Variants in CCDC178 observed in about 807,000 individuals in gnomAD.
CCDC178 encodes coiled-coil domain containing 178.
Under a neutral mutation model 117.4 loss-of-function variants are expected in CCDC178, and 126 were observed. The observed-to-expected ratio is 1.07, with a 90% CI of 0.93 to 1.24. CCDC178 has a LOEUF of 1.24. Among genes scored for constraint, CCDC178 ranks in the 50% most tolerant of loss-of-function variants. The pLI, the probability that CCDC178 is intolerant of heterozygous loss-of-function variation, is 0.00. For synonymous variants in CCDC178, 283 were observed against 313.4 expected, an observed-to-expected ratio of 0.90 and a Z score of 1.02; for missense variants, 1,030 against 986.9, an observed-to-expected ratio of 1.04 and a Z score of -0.59.
intron 20 of CCDC178, among the ~76,000 whole-genome samples, chr18:33,110,053 T>A (rs1217422231): frequency 6.6e-6 from 1 of 151,616 alleles, no homozygotes; most frequent in Non-Finnish European, 1.5e-5. Context: ...GTCTGAGAGT[T>A]CCTGTTGCTT....
intron 4 of CCDC178, among the ~76,000 whole-genome samples, chr18:33,391,282 T>C (rs2063561739): frequency 6.6e-6 from 1 of 151,784 alleles, no homozygotes; most frequent in African/African-American, 2.4e-5. Context: ...AAAAAATCTA[T>C]ATGCGTGCAA....
intron 12 of CCDC178, among the ~76,000 whole-genome samples, chr18:33,281,652 T>A (rs867533217): frequency 1.3e-5 from 2 of 152,046 alleles, no homozygotes; most frequent in Middle Eastern, 3.2e-3. Flanking sequence ...TAAAAGTGAA[T>A]GGGAAAAGGG....
chr18:33,373,305 A>G (rs899160972), intron 5 of CCDC178, among the ~76,000 whole-genome samples: 24 of 152,136 alleles, frequency 1.6e-4, no homozygotes, highest in African/African-American at 5.3e-4. Flanking sequence ...TCAATGTGCA[A>G]TGCCGCTGTT....
At chr18:32,996,554 C>T (rs1177492166) in intron 21 of CCDC178, among the ~76,000 whole-genome samples, 3 of 151,576 alleles carry the variant, frequency 2.0e-5, no homozygotes, top group African/African-American at 7.3e-5. Flanking sequence ...GAAAATGCTC[C>T]ATATATAATA....
At chr18:33,015,559 C>T (rs762942947) in intron 21 of CCDC178, among the ~76,000 whole-genome samples, 6 of 150,686 alleles carry the variant, frequency 4.0e-5, no homozygotes, top group Admixed American at 4.0e-4. Context: ...TGCGAGACTC[C>T]GTCTCAAAAA....
At chr18:33,134,227 G>A (rs2058100046) in intron 20 of CCDC178, among the ~76,000 whole-genome samples, 1 of 151,800 alleles carries the variant, frequency 6.6e-6, no homozygotes, top group South Asian at 2.1e-4. Context: ...TCACACATAT[G>A]GTTATAAAAA....
intron 11 of CCDC178, among the ~76,000 whole-genome samples, chr18:33,321,230 T>C (rs2062504574): frequency 6.6e-6 from 1 of 152,092 alleles, no homozygotes; most frequent in African/African-American, 2.4e-5. Flanking sequence ...AAAGCCAAAA[T>C]TGACAAATGG....
chr18:32,995,905 TTATCTATATCTATATCTATATCTA>T (rs139781630), intron 21 of CCDC178, among the ~76,000 whole-genome samples: 1 of 145,632 alleles, frequency 6.9e-6, no homozygotes, highest in Non-Finnish European at 1.5e-5. Flanking sequence ...TCCTACAATT[TTATCTATATCTATATCTATATCTA>T]TATCTATATC....
At position 33,108,142 on chromosome 18, in the gene CCDC178, C is replaced by A. The variant is rs571687871; in HGVS notation, c.2239-15232G>T. 6.1e-4 allele frequency among the ~76,000 whole-genome samples: 93 copies of A among 151,652 alleles called. 1 individual carries two copies. The highest frequency in any genetic ancestry group is 2.1e-3 in the African/African-American group (89 of 41,444). On this transcript the variant is annotated intron_variant, in intron 20 of 22. Coordinates refer to ENST00000383096, the MANE Select transcript of CCDC178 (RefSeq NM_001105528.4). ...ATACATTTCCCTTTTTGACCTATAT[C>A]TTTAAGAACATGGTTCATCTACTCA...
intron 22 of CCDC178, among the ~76,000 whole-genome samples, chr18:32,960,721 C>G (rs1225793401): frequency 6.6e-6 from 1 of 152,046 alleles, no homozygotes; most frequent in Non-Finnish European, 1.5e-5. Flanking sequence ...TCTAATTCTA[C>G]CCCAAAAATC....
At chr18:33,372,720 T>G (rs11874944) in intron 5 of CCDC178, among the ~76,000 whole-genome samples, 2,441 of 152,216 alleles carry the variant, frequency 0.016, 61 homozygotes, top group African/African-American at 0.055. Flanking sequence ...ATCAACTAGT[T>G]GTTTGTGTGG....
intron 21 of CCDC178, among the ~76,000 whole-genome samples, chr18:33,057,685 G>T (rs566941749): frequency 6.6e-6 from 1 of 152,144 alleles, no homozygotes; most frequent in Non-Finnish European, 1.5e-5. Context: ...AGTAGAGAAA[G>T]GTTTCACCAT....
intron 5 of CCDC178, 51 bp downstream of exon 5, chr18:33,389,489 A>C: frequency 2.4e-6 from 2 of 822,710 alleles, no homozygotes; most frequent in Non-Finnish European, 3.6e-6. Context: ...TAATGAGATA[A>C]TATAAATATA....
At chr18:33,304,348 T>C (rs1464201749) in intron 11 of CCDC178, among the ~76,000 whole-genome samples, 1 of 152,312 alleles carries the variant, frequency 6.6e-6, no homozygotes, top group Admixed American at 6.5e-5. Context: ...CTGAAACTTA[T>C]GTTGTTTCCA....
rs2144768856 is a variant in CCDC178 at position 33,267,191 on chromosome 18, A to C, written c.1272+11T>G. 1 of 1,580,740 alleles carries C rather than the reference A, an allele frequency of 6.3e-7. No individual in the cohort carries two copies. The highest frequency in any genetic ancestry group is 1.2e-5 in the South Asian group (1 of 85,546). ...GCGTTCTAAGTGGGAAGTAGGAAAA[A>C]ATCAACTTACTGCAGCATAAAAATC... On this transcript the variant is annotated intron_variant, in intron 13 of 22. Transcript: ENST00000383096.
chr18:33,419,055 G>A (rs2063987740), intron 2 of CCDC178, among the ~76,000 whole-genome samples: 5 of 152,122 alleles, frequency 3.3e-5, no homozygotes. Context: ...CAAGGCTACA[G>A]TAACCAAAAC....
At chr18:32,973,272 T>G (rs1488425154) in intron 22 of CCDC178, among the ~76,000 whole-genome samples, 1 of 152,124 alleles carries the variant, frequency 6.6e-6, no homozygotes, top group Non-Finnish European at 1.5e-5. Context: ...TAAAAACATT[T>G]GGACAAAAAT....
chr18:33,078,017 T>C (rs1394263885), intron 21 of CCDC178, among the ~76,000 whole-genome samples: 2 of 152,124 alleles, frequency 1.3e-5, no homozygotes, highest in African/African-American at 4.8e-5. Flanking sequence ...TTGATGAACA[T>C]TAATGCAAAA....
At chr18:33,206,189 T>A (rs1265065918) in intron 20 of CCDC178, among the ~76,000 whole-genome samples, 1 of 152,162 alleles carries the variant, frequency 6.6e-6, no homozygotes, top group African/African-American at 2.4e-5. Context: ...TGGGTCAATG[T>A]GCAACTAAAA....
Sources: gnomAD v4.1 joint callset for allele counts (sites outside exome capture counted in the v4.1 genomes callset) on GRCh38, gnomAD v4.1.1 for gene constraint, MANE v1.5 for transcripts, NCBI Gene and HGNC (gene_info 2026-07-23, HGNC 2026-07-21) for gene names.